Variants in KHDRBS2 observed in about 807,000 individuals in gnomAD.
KHDRBS2 encodes the protein KH domain-containing, RNA-binding, signal transduction-associated protein 2.
KHDRBS2 carries 26 observed loss-of-function variants against 44.3 expected under a neutral mutation model. That is an observed-to-expected ratio of 0.59 (90% CI 0.43 to 0.81). KHDRBS2 has a LOEUF of 0.81. Among genes scored for constraint, KHDRBS2 ranks in the 40% least tolerant of loss-of-function variants. KHDRBS2 has a pLI of 0.00. For synonymous variants in KHDRBS2, 194 were observed against 151.1 expected (o/e 1.28, Z -2.08); for missense variants, 476 against 433.1 (o/e 1.10, Z -0.88).
chr6:61,982,504 T>C (rs9363619), intron 3 of KHDRBS2, among the ~76,000 whole-genome samples: 7,314 of 151,850 alleles, frequency 0.048, 320 homozygotes, highest in East Asian at 0.17. Flanking sequence ...ACCCCGTCTC[T>C]ACTAAAAATA....
chr6:61,709,971 G>T (rs1048249700), intron 7 of KHDRBS2, among the ~76,000 whole-genome samples: 1 of 151,644 alleles, frequency 6.6e-6, no homozygotes, highest in African/African-American at 2.4e-5. Context: ...GGTGCAAGCT[G>T]CACTACAGCT....
At chr6:62,078,612 T>A (rs748845070) in intron 2 of KHDRBS2, among the ~76,000 whole-genome samples, 1 of 151,948 alleles carries the variant, frequency 6.6e-6, no homozygotes, top group Non-Finnish European at 1.5e-5. Flanking sequence ...GACTACTATT[T>A]GTAATTATTT....
chr6:62,075,378 C>T (rs1475902548), intron 2 of KHDRBS2, among the ~76,000 whole-genome samples: 2 of 151,882 alleles, frequency 1.3e-5, no homozygotes, highest in African/African-American at 2.4e-5. Flanking sequence ...ATGGACCCCA[C>T]AACCAACAGA....
At chr6:62,253,488 C>T (rs949484263) in intron 1 of KHDRBS2, among the ~76,000 whole-genome samples, 1 of 151,772 alleles carries the variant, frequency 6.6e-6, no homozygotes, top group Admixed American at 6.6e-5. Context: ...TGCAACCCTG[C>T]CTCCTCCTCT....
chr6:61,554,528 A>G, the KHDRBS2 span, among the ~76,000 whole-genome samples: 1 of 143,028 alleles, frequency 7.0e-6, no homozygotes, highest in Non-Finnish European at 1.6e-5. Context: ...TAGTATTGAC[A>G]TGTGCAAATT....
intron 3 of KHDRBS2, among the ~76,000 whole-genome samples, chr6:62,029,302 C>T (rs1783924194): frequency 6.6e-6 from 1 of 151,626 alleles, no homozygotes; most frequent in African/African-American, 2.4e-5. Flanking sequence ...ACATGTACTG[C>T]TTGACATTTG....
chr6:61,939,309 C>T (rs1157488242), intron 4 of KHDRBS2, among the ~76,000 whole-genome samples: 1 of 152,190 alleles, frequency 6.6e-6, no homozygotes, highest in Non-Finnish European at 1.5e-5. Context: ...CCACTGTAAC[C>T]TGCTCTATTT....
At chr6:61,802,838 C>T (rs1345641372) in intron 6 of KHDRBS2, among the ~76,000 whole-genome samples, 1 of 152,092 alleles carries the variant, frequency 6.6e-6, no homozygotes, top group Non-Finnish European at 1.5e-5. Flanking sequence ...GAAAGGGTCA[C>T]AGAGGAGAAA....
At chr6:61,830,589 T>A (rs954047466) in intron 6 of KHDRBS2, among the ~76,000 whole-genome samples, 5 of 152,338 alleles carry the variant, frequency 3.3e-5, no homozygotes, top group African/African-American at 1.2e-4. Flanking sequence ...TAATTCCCAT[T>A]TCTTTCTCTT....
chr6:61,841,600 C>T (rs535299250), intron 6 of KHDRBS2, among the ~76,000 whole-genome samples: 29 of 152,208 alleles, frequency 1.9e-4, no homozygotes, highest in African/African-American at 6.5e-4. Context: ...GCATTAGACT[C>T]ATGTTATTTC....
Position 61,987,937 on chromosome 6 carries a change from C to A in KHDRBS2, c.337-9725G>T, listed in dbSNP as rs546601632. 8.5e-5 allele frequency among the ~76,000 whole-genome samples: 13 copies of A among 152,168 alleles called. No individual in the cohort carries two copies. In the South Asian group the frequency reaches 2.7e-3, roughly 32 times the overall value. ...AAGGGAAATCTTCACAATTGCACAT[C>A]CACACAATACTCACTAGATTCATGA... On this transcript the variant is annotated intron_variant, in intron 3 of 8. Coordinates refer to ENST00000281156, the MANE Select transcript of KHDRBS2 (RefSeq NM_152688.4).
At chr6:62,174,387 T>C (rs535991270) in intron 2 of KHDRBS2, among the ~76,000 whole-genome samples, 1 of 151,402 alleles carries the variant, frequency 6.6e-6, no homozygotes, top group Non-Finnish European at 1.5e-5. Flanking sequence ...ATTTATATTA[T>C]AAAAATATAA....
chr6:62,182,117 T>G (rs1369312042), intron 1 of KHDRBS2, among the ~76,000 whole-genome samples: 2 of 152,000 alleles, frequency 1.3e-5, no homozygotes. Flanking sequence ...TTTCCAAGAT[T>G]TTGAATTTTC....
intron 6 of KHDRBS2, among the ~76,000 whole-genome samples, chr6:61,793,457 A>G (rs1177523700): frequency 3.9e-5 from 6 of 152,088 alleles, no homozygotes; most frequent in East Asian, 1.9e-4. Context: ...CAGTAAAAGA[A>G]TAAAAATATA....
the KHDRBS2 span, among the ~76,000 whole-genome samples, chr6:61,559,150 T>A: frequency 6.6e-6 from 1 of 152,296 alleles, no homozygotes; most frequent in East Asian, 1.9e-4. Context: ...CTGAATTGAT[T>A]TTTTATCATT....
chr6:61,607,520 C>CAAAAAAAAAAAAAAAAAAAAAAAAAAAA, the KHDRBS2 span, among the ~76,000 whole-genome samples: 3 of 41,110 alleles, frequency 7.3e-5, 1 homozygote, highest in African/African-American at 8.8e-5. Flanking sequence ...GAGTTCCAAG[C>CAAAAAAAAAAAAAAAAAAAAAAAAAAAA]AAAAAAAAAA....
In KHDRBS2 at chr6:61,732,735, A is replaced by G. The variant is rs201210770; in HGVS notation, c.840T>C (p.Tyr280=). The change falls in exon 7 of 9, where the codon TAT becomes TAC. Residue 280 remains tyrosine (Y), a synonymous_variant. Transcript: ENST00000281156. ...YGYDDGYGGE[Y]DDQTYETYDN... is the part of the protein sequence containing the mutation. ...CATAAGTCTCATAGGTCTGGTCATC[A>G]TATTCACCCCCGTAGCCATCATCAT... is the stretch of plus-strand genomic sequence containing the variant. 7.4e-6 allele frequency: 12 copies of G among 1,610,992 alleles called. No homozygotes were observed. The East Asian group carries it at 2.2e-4, about 30-fold the overall frequency.
chr6:61,995,057 G>A (rs1309295880), intron 3 of KHDRBS2, among the ~76,000 whole-genome samples: 1 of 152,092 alleles, frequency 6.6e-6, no homozygotes. Flanking sequence ...CAACTATATA[G>A]GGCTTTGTAA....
At chr6:61,551,617 G>T in the KHDRBS2 span, among the ~76,000 whole-genome samples, 3 of 152,036 alleles carry the variant, frequency 2.0e-5, no homozygotes, top group Non-Finnish European at 2.9e-5. Flanking sequence ...TATAGAATAG[G>T]GAATCCTTTC....
Sources: gnomAD v4.1 joint callset for allele counts (sites outside exome capture counted in the v4.1 genomes callset) on GRCh38, gnomAD v4.1.1 for gene constraint, MANE v1.5 for transcripts, NCBI Gene and HGNC (gene_info 2026-07-23, HGNC 2026-07-21) for gene names.